Variants in SPATA16 observed in about 807,000 individuals in gnomAD.
SPATA16 encodes the protein spermatogenesis-associated protein 16.
SPATA16 carries 36 observed loss-of-function variants against 63.3 expected under a neutral mutation model. That is an observed-to-expected ratio of 0.57 (90% confidence interval 0.44 to 0.75). The LOEUF (loss-of-function observed/expected upper bound fraction) is 0.75. Among genes scored for constraint, SPATA16 ranks in the 30% least tolerant of loss-of-function variants. The probability of loss-of-function intolerance (pLI) is 0.00; values close to 1 mark genes in which losing one functional copy is unlikely to be tolerated. For missense variants in SPATA16, 646 were observed against 679.3 expected, an observed-to-expected ratio of 0.95 and a Z score of 0.54; for synonymous variants, 203 against 216.7, an observed-to-expected ratio of 0.94 and a Z score of 0.56.
intron 3 of SPATA16, among the ~76,000 whole-genome samples, chr3:173,021,889 C>G (rs2108277914): frequency 6.6e-6 from 1 of 152,152 alleles, no homozygotes; most frequent in South Asian, 2.1e-4. Context: ...TGTTTCCAGC[C>G]TTTGGCATCT....
chr3:173,111,963 A>G (rs950573343), intron 2 of SPATA16, among the ~76,000 whole-genome samples: 3 of 152,214 alleles, frequency 2.0e-5, no homozygotes, highest in Non-Finnish European at 2.9e-5. Context: ...AACTGTTTTT[A>G]AAATATCCTT....
intron 3 of SPATA16, among the ~76,000 whole-genome samples, chr3:173,034,944 C>T (rs1216788460): frequency 1.3e-5 from 2 of 152,156 alleles, no homozygotes; most frequent in East Asian, 1.9e-4. Flanking sequence ...TTAAATCTCT[C>T]ATTTTGACAT....
At chr3:173,071,044 T>C (rs1435342496) in intron 2 of SPATA16, among the ~76,000 whole-genome samples, 4 of 152,144 alleles carry the variant, frequency 2.6e-5, no homozygotes, top group Admixed American at 2.6e-4. Flanking sequence ...AGACGCCATA[T>C]TGCCTGCCTT....
intron 4 of SPATA16, among the ~76,000 whole-genome samples, chr3:172,981,686 T>A (rs1734323665): frequency 1.3e-5 from 2 of 152,208 alleles, no homozygotes; most frequent in Non-Finnish European, 2.9e-5. Flanking sequence ...TACCCTCACT[T>A]GTACTTTTTC....
chr3:173,030,057 A>ACTAT (rs71785029), intron 3 of SPATA16, among the ~76,000 whole-genome samples: 69 of 149,210 alleles, frequency 4.6e-4, no homozygotes, highest in Non-Finnish European at 6.6e-4. Context: ...TGGTTACTTT[A>ACTAT]CTATCTATCT....
intron 3 of SPATA16, among the ~76,000 whole-genome samples, chr3:173,020,273 C>A (rs538102286): frequency 6.8e-6 from 1 of 146,928 alleles, no homozygotes; most frequent in East Asian, 2.0e-4. Context: ...GCCTGGGGGA[C>A]AAGAGCGAGA....
chr3:173,023,751 T>A (rs181888565), intron 3 of SPATA16, among the ~76,000 whole-genome samples: 223 of 151,680 alleles, frequency 1.5e-3, no homozygotes, highest in African/African-American at 4.7e-3. Context: ...TTAACTTTTT[T>A]AAAAAAACAG....
chr3:173,100,721 G>C (rs1172073141), intron 2 of SPATA16, among the ~76,000 whole-genome samples: 2 of 144,948 alleles, frequency 1.4e-5, no homozygotes, highest in African/African-American at 5.2e-5. Flanking sequence ...GTAAATTCTT[G>C]TTTATCAATT....
intron 2 of SPATA16, among the ~76,000 whole-genome samples, chr3:173,068,229 C>T (rs1003129062): frequency 6.6e-6 from 1 of 152,156 alleles, no homozygotes; most frequent in Non-Finnish European, 1.5e-5. Flanking sequence ...TTAAACCACT[C>T]ATATCTTTAG....
At chr3:173,088,413 CTTATT>C (rs940139627) in intron 2 of SPATA16, among the ~76,000 whole-genome samples, 9 of 152,074 alleles carry the variant, frequency 5.9e-5, no homozygotes, top group African/African-American at 1.9e-4. Flanking sequence ...GTTAATGATA[CTTATT>C]TTAATTTGTT....
At chr3:173,114,917 T>G (rs1052486647) in intron 2 of SPATA16, among the ~76,000 whole-genome samples, 60 of 152,224 alleles carry the variant, frequency 3.9e-4, no homozygotes, top group Non-Finnish European at 6.9e-4. Context: ...TGAGATATTC[T>G]AGCTAAGATT....
intron 4 of SPATA16, among the ~76,000 whole-genome samples, chr3:173,006,199 T>C (rs1020680560): frequency 1.3e-5 from 2 of 152,200 alleles, no homozygotes; most frequent in African/African-American, 4.8e-5. Context: ...TTAGCATTCA[T>C]ACAGCTTTAT....
At chr3:172,972,696 G>T (rs1172553704) in intron 5 of SPATA16, among the ~76,000 whole-genome samples, 11 of 152,008 alleles carry the variant, frequency 7.2e-5, no homozygotes, top group Non-Finnish European at 4.4e-5. Flanking sequence ...TGGCCAAGCA[G>T]CTACTCTAAA....
intron 5 of SPATA16, among the ~76,000 whole-genome samples, chr3:172,974,326 A>G (rs994736332): frequency 1.3e-5 from 2 of 152,112 alleles, no homozygotes; most frequent in Non-Finnish European, 2.9e-5. Flanking sequence ...AATAGTGTCT[A>G]TCTATTTAAC....
At chr3:172,960,981 TTC>T (rs756151707) in intron 5 of SPATA16, among the ~76,000 whole-genome samples, 89 of 149,240 alleles carry the variant, frequency 6.0e-4, no homozygotes, top group African/African-American at 2.0e-3. Flanking sequence ...CTTTTTCTCT[TTC>T]TCTTTCTTTT....
chr3:172,992,183 AT>A (rs143954217), intron 4 of SPATA16, among the ~76,000 whole-genome samples: 3,852 of 152,168 alleles, frequency 0.025, 175 homozygotes, highest in African/African-American at 0.088. Flanking sequence ...TTTTTCTTCT[AT>A]TTAAAAAACC....
At chr3:172,915,198 T>G (rs1467206992) in intron 9 of SPATA16, among the ~76,000 whole-genome samples, 1 of 152,180 alleles carries the variant, frequency 6.6e-6, no homozygotes, top group Non-Finnish European at 1.5e-5. Flanking sequence ...ATTGCCAGTT[T>G]TGACTTGGTA....
At chr3:172,927,276 A>G (rs1246947149) in intron 6 of SPATA16, among the ~76,000 whole-genome samples, 2 of 152,238 alleles carry the variant, frequency 1.3e-5, no homozygotes, top group Admixed American at 1.3e-4. Context: ...TCAGTTTTTC[A>G]AAACACTGTT....
chr3:172,951,412 T>C (rs1430094796), intron 6 of SPATA16, among the ~76,000 whole-genome samples: 1 of 152,086 alleles, frequency 6.6e-6, no homozygotes, highest in East Asian at 1.9e-4. Flanking sequence ...TATAATCTTA[T>C]ACCTGCCACT....
Sources: allele counts gnomAD v4.1 joint callset (sites outside exome capture counted in the v4.1 genomes callset), GRCh38; gene constraint gnomAD v4.1.1; transcripts MANE v1.5; gene names NCBI Gene and HGNC (gene_info 2026-07-23, HGNC 2026-07-21).